The following TLR5 variants were observed in gnomAD, a reference collection of about 807,000 sequenced individuals.
TLR5 encodes the protein toll-like receptor 5.
For missense variants in TLR5, 944 were observed against 999.8 expected (o/e 0.94, Z 0.75); for synonymous variants, 373 against 384.4 (o/e 0.97, Z 0.35).
At chr1:223,116,637 C>T (rs1028385049) in intron 5 of TLR5, among the ~76,000 whole-genome samples, 2 of 152,122 alleles carry the variant, frequency 1.3e-5, no homozygotes, top group African/African-American at 2.4e-5. Context: ...GCTTTTATTT[C>T]CTTATCTGGC....
At chr1:223,123,066 G>A (rs1369653172) in intron 5 of TLR5, among the ~76,000 whole-genome samples, 1 of 152,148 alleles carries the variant, frequency 6.6e-6, no homozygotes, top group Non-Finnish European at 1.5e-5. Flanking sequence ...GTGACTCTAA[G>A]ATATAAATAT....
At chr1:223,117,093 C>A (rs1414939694) in intron 5 of TLR5, among the ~76,000 whole-genome samples, 1 of 152,164 alleles carries the variant, frequency 6.6e-6, no homozygotes, top group Non-Finnish European at 1.5e-5. Flanking sequence ...AGGTCCCGAG[C>A]CCTGCCCTGC....
At chr1:223,129,738 C>G (rs1657327553) in intron 5 of TLR5, among the ~76,000 whole-genome samples, 1 of 152,234 alleles carries the variant, frequency 6.6e-6, no homozygotes, top group Non-Finnish European at 1.5e-5. Flanking sequence ...AAGCGAGCTC[C>G]TACCCAGGTT....
intron 5 of TLR5, among the ~76,000 whole-genome samples, chr1:223,116,254 G>A (rs1450785622): frequency 1.3e-5 from 2 of 152,124 alleles, no homozygotes; most frequent in African/African-American, 2.4e-5. Context: ...TCTTAAAGGT[G>A]GTGTGTCTGG....
At chr1:223,138,160 A>G (rs1657690885) in intron 2 of TLR5, among the ~76,000 whole-genome samples, 1 of 146,758 alleles carries the variant, frequency 6.8e-6, no homozygotes, top group East Asian at 1.9e-4. Flanking sequence ...GAGGGGTCTC[A>G]CTATGTTGCC....
rs748888419 is a variant in TLR5, at chr1:223,110,878, T to C, written c.2154A>G (p.Gln718=). The part of the protein sequence containing the change: ...QNALLKHLDT[Q]YSDQNRFNLC... ...GGTTGAATCTGTTTTGGTCACTGTA[T>C]TGAGTGTCCAGGTGTTTGAGCAAAG... is the stretch of plus-strand genomic sequence containing the variant. Residue 718 remains glutamine (Q), a synonymous_variant, in exon 6 of 6, where the codon CAA becomes CAG. Coordinates refer to ENST00000642603, the MANE Select transcript of TLR5 (RefSeq NM_003268.6). 4 of 1,614,144 alleles carry C rather than the reference T, an allele frequency of 2.5e-6. No individual in the cohort carries two copies. In the South Asian group the frequency reaches 3.3e-5, roughly 13 times the overall value.
rs775483763 is a variant in TLR5, at chr1:223,112,046, T to C, written c.986A>G (p.Asp329Gly). 1 of 1,614,238 alleles carries C rather than the reference T, an allele frequency of 6.2e-7. No homozygotes were observed. The highest frequency in any genetic ancestry group is 1.7e-5 in the Admixed American group (1 of 60,024). ...LAYNKINKIA[D>G]EAFYGLDNLQ... is the part of the protein sequence containing the mutation. Reference sequence around the variant, plus strand: ...GTTGTCAAGTCCGTAAAATGCTTCATCTGCAATCTTATTTATCTTGTTGTA... The same window carrying C: ...GTTGTCAAGTCCGTAAAATGCTTCACCTGCAATCTTATTTATCTTGTTGTA... The change falls in exon 6 of 6, where the codon GAT (aspartate) becomes GGT (glycine). Residue 329 changes from aspartate (D) to glycine (G), a missense_variant. By Grantham distance (94) the Asp-to-Gly change is moderately conservative. Coordinates refer to ENST00000642603, the MANE Select transcript of TLR5 (RefSeq NM_003268.6).
intron 5 of TLR5, among the ~76,000 whole-genome samples, chr1:223,115,679 C>T (rs2487833): frequency 0.66 from 100,124 of 151,994 alleles, 34,182 homozygotes; most frequent in African/African-American, 0.84. Context: ...TACTGACAGG[C>T]AGAGGTAAAT....
rs1278979017 is a variant in TLR5, at chr1:223,110,433, A to G, written c.*22T>C. 2 of 1,612,560 alleles carry G rather than the reference A, an allele frequency of 1.2e-6. No individual in the cohort carries two copies. The highest frequency in any genetic ancestry group is 2.7e-5 in the African/African-American group (2 of 74,874). On this transcript the variant is annotated 3_prime_UTR_variant, in exon 6 of 6. Transcript: ENST00000642603. The stretch of plus-strand genomic sequence containing the variant: ...TGAAGAGTTATTTGTGGCTTGAGAT[A>G]AGTTGGAAATTGCTCCTTTGATTAG...
intron 4 of TLR5, among the ~76,000 whole-genome samples, chr1:223,134,187 T>C (rs953556201): frequency 4.0e-5 from 6 of 151,686 alleles, no homozygotes; most frequent in African/African-American, 1.5e-4. Context: ...CCAGGGATCC[T>C]CCAGTGCCCA....
chr1:223,117,406 G>A (rs1205062791), intron 5 of TLR5, among the ~76,000 whole-genome samples: 1 of 151,776 alleles, frequency 6.6e-6, no homozygotes, highest in East Asian at 1.9e-4. Flanking sequence ...TGGGCTGAAG[G>A]GCTCCTCAAG....
chr1:223,112,297 G>C lies in TLR5; in HGVS notation c.735C>G (p.Asn245Lys). 6.2e-7 allele frequency: 1 copy of C among 1,614,196 alleles called. No homozygotes were observed. The highest frequency in any genetic ancestry group is 8.5e-7 in the Non-Finnish European group (1 of 1,180,036). The change falls in exon 6 of 6, where the codon AAC becomes AAG. Residue 245 changes from asparagine to lysine, a missense_variant. By Grantham distance (94) the Asn-to-Lys change is moderately conservative. Coordinates refer to ENST00000642603, the MANE Select transcript of TLR5 (RefSeq NM_003268.6). The stretch of plus-strand genomic sequence containing the variant: ...GGCTTTTGCTGATGGCATTGCTAAA[G>C]TTTCCTGTGATGTCCACTGTCCAGC... The part of the protein sequence containing the change: ...GNGWTVDITG[N>K]FSNAISKSQA...
Position 223,111,162 on chromosome 1 carries a change from G to A in TLR5, c.1870C>T (p.Leu624Phe). The A allele has an allele frequency of 6.2e-7, 1 of 1,614,238 alleles. No individual in the cohort carries two copies. The highest frequency in any genetic ancestry group is 1.3e-5 in the African/African-American group (1 of 75,058). Reference sequence around the variant, plus strand: ...TCTTCATCACAACCTTCCGTGGAAAGAGAGAAGAGGGAAACCCCAGAGAAC... The same window carrying A: ...TCTTCATCACAACCTTCCGTGGAAAAAGAGAAGAGGGAAACCCCAGAGAAC... Reference protein sequence around the residue: ...DSFSGVSLFSLSTEGCDEEEV... With the variant: ...DSFSGVSLFSFSTEGCDEEEV... The change falls in exon 6 of 6, where the codon CTT becomes TTT. Residue 624 changes from leucine (L) to phenylalanine (F), a missense_variant. Transcript: ENST00000642603.
chr1:223,116,237 T>C (rs1656633899), intron 5 of TLR5, among the ~76,000 whole-genome samples: 1 of 152,192 alleles, frequency 6.6e-6, no homozygotes, highest in Non-Finnish European at 1.5e-5. Context: ...ACGGTGAGTG[T>C]TACAGTTCTT....
At chr1:223,114,846 C>A (rs1656546837) in intron 5 of TLR5, among the ~76,000 whole-genome samples, 1 of 152,164 alleles carries the variant, frequency 6.6e-6, no homozygotes, top group Admixed American at 6.5e-5. Context: ...GACAACACAG[C>A]AGAGTCTTTT....
chr1:223,119,297 A>C (rs968189908), intron 5 of TLR5, among the ~76,000 whole-genome samples: 1 of 152,210 alleles, frequency 6.6e-6, no homozygotes, highest in East Asian at 1.9e-4. Context: ...ATTCCCTCAG[A>C]ACCTAACTTT....
rs139394912 is a variant in TLR5, at chr1:223,111,971, G to A, written c.1061C>T (p.Ser354Leu). ...SYNLLGELYS[S>L]NFYGLPKVAY... is the part of the protein sequence containing the mutation. The stretch of plus-strand genomic sequence containing the variant: ...TACCTTAGGTAGTCCATAGAAATTC[G>A]AACTGTAAAGTTCCCCCAGAAGGTT... Residue 354 changes from serine (S) to leucine (L), a missense_variant, in exon 6 of 6, where the codon TCG (serine) becomes TTG (leucine). Ser to Leu is a moderately radical substitution (Grantham distance 145). Transcript: ENST00000642603. The A allele has an allele frequency of 2.1e-5, 34 of 1,614,124 alleles. No individual in the cohort carries two copies. Among genetic ancestry groups the A allele is most frequent in the African/African-American group, 6.7e-5 (5 of 75,032 alleles).
At chr1:223,124,337 G>C (rs1287728499) in intron 5 of TLR5, among the ~76,000 whole-genome samples, 3 of 151,946 alleles carry the variant, frequency 2.0e-5, no homozygotes, top group Non-Finnish European at 2.9e-5. Flanking sequence ...CAGCTACTTG[G>C]GAGGCTGAAG....
intron 4 of TLR5, among the ~76,000 whole-genome samples, chr1:223,134,156 G>C (rs2102929874): frequency 6.6e-6 from 1 of 152,236 alleles, no homozygotes; most frequent in South Asian, 2.1e-4. Context: ...TACCCCGGCA[G>C]CAACAGCCTG....
Sources: gnomAD v4.1 joint callset for allele counts (sites outside exome capture counted in the v4.1 genomes callset) on GRCh38, gnomAD v4.1.1 for gene constraint, MANE v1.5 for transcripts, NCBI Gene and HGNC (gene_info 2026-07-23, HGNC 2026-07-21) for gene names.